ERGIC3: variants seen among roughly 807,000 people sequenced by gnomAD.
The protein encoded by ERGIC3 is endoplasmic reticulum-Golgi intermediate compartment protein 3.
ERGIC3 carries 33 observed loss-of-function variants against 54.7 expected under a neutral mutation model. The ratio of observed to expected loss-of-function variants is 0.60; its 90% CI spans 0.46 to 0.81. The LOEUF (loss-of-function observed/expected upper bound fraction) is 0.81. ERGIC3 is among the 30% of genes least tolerant of loss of function. The pLI, the probability that ERGIC3 is intolerant of heterozygous loss-of-function variation, is 0.00. For missense variants in ERGIC3, 399 were observed against 488.4 expected (o/e 0.82, Z 1.73); for synonymous variants, 186 against 189.8 (o/e 0.98, Z 0.16).
intron 4 of ERGIC3, chr20:35,547,127 C>CA (rs1265105283): frequency 1.3e-5 from 4 of 297,742 alleles, no homozygotes; most frequent in Non-Finnish European, 2.6e-5. Context: ...CCGCCACCCT[C>CA]AAAGAGTCAT....
At chr20:35,554,118 C>T (rs1319409152) in intron 7 of ERGIC3, among the ~76,000 whole-genome samples, 2 of 152,156 alleles carry the variant, frequency 1.3e-5, no homozygotes, top group Non-Finnish European at 2.9e-5. Flanking sequence ...CTGATTTGCC[C>T]AAGGCCACAC....
chr20:35,544,464 G>T, intron 4 of ERGIC3: 1 of 309,338 alleles, frequency 3.2e-6, no homozygotes. Context: ...CCTCATGATG[G>T]CTGGGACATT....
chr20:35,554,710 C>T, intron 7 of ERGIC3: 2 of 587,508 alleles, frequency 3.4e-6, no homozygotes, highest in Non-Finnish European at 3.0e-6. Context: ...AGTGATTTGC[C>T]ATCAGCTCTA....
intron 5 of ERGIC3, 90 bp from the exon 6 acceptor site, chr20:35,548,419 C>G: frequency 1.4e-6 from 2 of 1,382,120 alleles, no homozygotes; most frequent in Non-Finnish European, 9.9e-7. Context: ...CCTTCATTAG[C>G]AGGCAGAGCT....
chr20:35,546,757 A>G (rs2064650963), intron 4 of ERGIC3, among the ~76,000 whole-genome samples: 2 of 152,188 alleles, frequency 1.3e-5, no homozygotes, highest in South Asian at 4.1e-4. Context: ...CTTGGAAAAT[A>G]AGGGTAAGTA....
intron 12 of ERGIC3, 74 bp downstream of exon 12, chr20:35,557,323 G>A (rs1328621706): frequency 1.2e-6 from 2 of 1,610,586 alleles, no homozygotes; most frequent in East Asian, 4.5e-5. Context: ...TTGGTTGGGG[G>A]TGAAGGGGCA....
chr20:35,547,434 G>T lies in ERGIC3; in HGVS notation c.390G>T (p.Thr130=), dbSNP rs201814399. The change falls in exon 5 of 13, where the codon ACG becomes ACT. Residue 130 remains threonine, a synonymous_variant. Transcript: ENST00000348547. ...ERHELGKVEV[T]VFDPDSLDPD... ...TAGAGCTTGGGAAAGTCGAGGTGAC[G>T]GTGTTTGACCCTGACTCCCTGGACC... 6.2e-7 allele frequency: 1 copy of T among 1,614,108 alleles called. No individual in the cohort carries two copies. The highest frequency in any genetic ancestry group is 8.5e-7 in the Non-Finnish European group (1 of 1,180,006).
At chr20:35,549,362 A>T in intron 7 of ERGIC3, 1 of 393,992 alleles carries the variant, frequency 2.5e-6, no homozygotes, top group South Asian at 2.0e-5. Context: ...TAAAATGGGG[A>T]TGATGATAAT....
At chr20:35,547,096 T>G (rs1252197778) in intron 4 of ERGIC3, among the ~76,000 whole-genome samples, 3 of 152,160 alleles carry the variant, frequency 2.0e-5, no homozygotes, top group Admixed American at 2.0e-4. Flanking sequence ...CAACATCTTC[T>G]CAGTAAAACA....
intron 7 of ERGIC3, chr20:35,549,487 T>C (rs1043302766): frequency 9.4e-6 from 3 of 320,488 alleles, no homozygotes; most frequent in Non-Finnish European, 6.1e-6. Flanking sequence ...TTGCTAAGGG[T>C]ACAGTAGTGA....
At chr20:35,548,743 C>T in intron 6 of ERGIC3, 65 bp from the exon 7 acceptor site, 1 of 1,613,314 alleles carries the variant, frequency 6.2e-7, no homozygotes, top group Non-Finnish European at 8.5e-7. Flanking sequence ...ACCGAGGGCC[C>T]AGTCAGGCCC....
In ERGIC3 at chr20:35,557,231, A is replaced by G. The variant is rs1396362575; in HGVS notation, c.1054A>G (p.Ile352Val). 6.2e-7 allele frequency: 1 copy of G among 1,613,970 alleles called. No individual in the cohort carries two copies. The highest frequency in any genetic ancestry group is 1.7e-5 in the Admixed American group (1 of 60,010). Residue 352 changes from isoleucine to valine, a missense_variant, in exon 12 of 13, where the codon ATT becomes GTT. Physicochemically the swap from Ile to Val is conservative, Grantham distance 29. Coordinates refer to ENST00000348547, the MANE Select transcript of ERGIC3 (RefSeq NM_015966.3). ...THFLTGVCAI[I>V]GGMFTVAGLI... ...CTTCCTGACAGGTGTGTGCGCCATC[A>G]TTGGGGGCATGTTCACAGGTAAGAG... is the stretch of plus-strand genomic sequence containing the variant.
rs2064655591 is a variant in ERGIC3, at chr20:35,547,518, G to C, written c.461+13G>C. ...CAGAAGATATCAAGTGAGCTGGCGG[G>C]GAGCGGGAGCAGGGTTCCCATCAGG... On this transcript the variant is annotated intron_variant, in intron 5 of 12. Coordinates refer to ENST00000348547, the MANE Select transcript of ERGIC3 (RefSeq NM_015966.3). The C allele has an allele frequency of 6.2e-7, 1 of 1,611,956 alleles. No homozygotes were observed. The highest frequency in any genetic ancestry group is 1.3e-5 in the African/African-American group (1 of 74,864).
Position 35,556,040 on chromosome 20 carries a change from T to C in ERGIC3, c.725T>C (p.Met242Thr), listed in dbSNP as rs1320506746. ...GGATGGTGTTGTTTACAGATCAACA[T>C]GACCCACTACATCCAGCACCTGTCA... ...LQSFGLDNIN[M>T]THYIQHLSFG... is the part of the protein sequence containing the mutation. Residue 242 changes from methionine (M) to threonine (T), a missense_variant, in exon 9 of 13, where the codon ATG (methionine) becomes ACG (threonine). Transcript: ENST00000348547. 9.3e-6 allele frequency: 15 copies of C among 1,614,104 alleles called. No individual in the cohort carries two copies. Among genetic ancestry groups the C allele is most frequent in the Non-Finnish European group, 1.3e-5 (15 of 1,179,992 alleles).
In ERGIC3 at chr20:35,542,106, G is replaced by T. The variant is rs758427107; in HGVS notation, c.9G>T (p.Ala3=). The T allele has an allele frequency of 1.3e-6, 2 of 1,549,068 alleles. No individual in the cohort carries two copies. The highest frequency in any genetic ancestry group is 2.7e-5 in the African/African-American group (2 of 73,030). Residue 3 remains alanine, a synonymous_variant, in exon 1 of 13, where the codon GCG becomes GCT. Coordinates refer to ENST00000348547, the MANE Select transcript of ERGIC3 (RefSeq NM_015966.3). ME[A]LGKLKQFDAY... Reference sequence around the variant, plus strand: ...CTTTCCGGCCGGTCCCCATGGAGGCGCTGGGGAAGCTGAAGCAGTTCGATG... The same window carrying T: ...CTTTCCGGCCGGTCCCCATGGAGGCTCTGGGGAAGCTGAAGCAGTTCGATG...
At chr20:35,543,675 C>T (rs1215863273) in intron 4 of ERGIC3, 1 of 471,064 alleles carries the variant, frequency 2.1e-6, no homozygotes, top group East Asian at 6.9e-5. Flanking sequence ...ATGCAGGACA[C>T]CAGTGGAACC....
chr20:35,549,038 C>T (rs45563939), intron 7 of ERGIC3, 173 bp downstream of exon 7: 119,916 of 732,794 alleles, frequency 0.16, 11,024 homozygotes, highest in Middle Eastern at 0.29. Flanking sequence ...GCCGAGGAGC[C>T]AGACTGCCTG....
intron 5 of ERGIC3, 105 bp downstream of exon 5, chr20:35,547,610 T>C: frequency 5.1e-6 from 5 of 981,168 alleles, no homozygotes; most frequent in Non-Finnish European, 7.9e-6. Context: ...ACCAAGAATC[T>C]AGAGTGGGCG....
intron 4 of ERGIC3, among the ~76,000 whole-genome samples, chr20:35,546,333 T>A (rs2064648659): frequency 6.6e-6 from 1 of 152,002 alleles, no homozygotes; most frequent in African/African-American, 2.4e-5. Context: ...AGTGGTGAGA[T>A]GGTGGGTTTG....
Sources: allele counts gnomAD v4.1 joint callset (sites outside exome capture counted in the v4.1 genomes callset), GRCh38; gene constraint gnomAD v4.1.1; transcripts MANE v1.5; gene names NCBI Gene and HGNC (gene_info 2026-07-23, HGNC 2026-07-21).